Variants in SEMA6D observed in about 807,000 individuals in gnomAD.
SEMA6D encodes the protein semaphorin 6D.
A neutral mutation model predicts 106.6 loss-of-function variants in SEMA6D; 35 were observed. The observed-to-expected ratio is 0.33, with a 90% CI of 0.25 to 0.44. The LOEUF is 0.44. Ranked by LOEUF, SEMA6D falls within the 20% of genes least tolerant of loss-of-function variation. SEMA6D has a pLI of 1.00. For missense variants in SEMA6D, 1,185 were observed against 1,345.9 expected (o/e 0.88, Z 1.87); for synonymous variants, 499 against 487.7 (o/e 1.02, Z -0.31).
chr15:47,681,437 G>A (rs2078350839), intron 4 of SEMA6D, among the ~76,000 whole-genome samples: 1 of 152,176 alleles, frequency 6.6e-6, no homozygotes, highest in African/African-American at 2.4e-5. Context: ...GGTTTCCAGG[G>A]ACTGGGAGGA....
chr15:47,556,901 T>A (rs576415147), intron 3 of SEMA6D, among the ~76,000 whole-genome samples: 1 of 152,274 alleles, frequency 6.6e-6, no homozygotes, highest in African/African-American at 2.4e-5. Context: ...GTATCATGTG[T>A]CCAATTTCTC....
upstream of SEMA6D, among the ~76,000 whole-genome samples, chr15:47,715,877 G>A (rs2079101678): frequency 6.6e-6 from 1 of 152,178 alleles, no homozygotes; most frequent in Non-Finnish European, 1.5e-5. Context: ...CAAGCCAATG[G>A]CCACCCCCTT....
At chr15:47,613,732 C>T (rs960448225) in intron 4 of SEMA6D, among the ~76,000 whole-genome samples, 2 of 152,038 alleles carry the variant, frequency 1.3e-5, no homozygotes, top group Non-Finnish European at 2.9e-5. Context: ...CAGCTCACTG[C>T]AAGTTCCGCC....
intron 4 of SEMA6D, among the ~76,000 whole-genome samples, chr15:47,695,579 A>G (rs1383024913): frequency 6.6e-6 from 1 of 152,148 alleles, no homozygotes; most frequent in Non-Finnish European, 1.5e-5. Flanking sequence ...GGTCTTGTTA[A>G]ATGAAGTTCT....
chr15:47,193,665 AAAC>A (rs1894124725), intron 1 of SEMA6D, among the ~76,000 whole-genome samples: 1 of 152,106 alleles, frequency 6.6e-6, no homozygotes, highest in African/African-American at 2.4e-5. Flanking sequence ...ACAAAAACAA[AAAC>A]AAAACAAAAA....
intron 3 of SEMA6D, among the ~76,000 whole-genome samples, chr15:47,590,006 T>C (rs2076409176): frequency 1.3e-5 from 2 of 152,160 alleles, no homozygotes; most frequent in African/African-American, 4.8e-5. Context: ...CTCCAAAAGA[T>C]ATGTTGAAGT....
chr15:47,604,959 G>C (rs781267890), intron 4 of SEMA6D, among the ~76,000 whole-genome samples: 1 of 151,520 alleles, frequency 6.6e-6, no homozygotes, highest in Non-Finnish European at 1.5e-5. Flanking sequence ...GCCTGCCTCA[G>C]CCTCCCAAAG....
intron 1 of SEMA6D, among the ~76,000 whole-genome samples, chr15:47,332,946 T>A (rs1036732665): frequency 2.0e-5 from 3 of 152,076 alleles, no homozygotes; most frequent in Non-Finnish European, 4.4e-5. Flanking sequence ...CTAGTGCCCA[T>A]CTATGGAGCT....
intron 3 of SEMA6D, among the ~76,000 whole-genome samples, chr15:47,496,698 T>C (rs1293176181): frequency 1.3e-5 from 2 of 152,058 alleles, no homozygotes; most frequent in African/African-American, 4.8e-5. Context: ...CGGTTTGTTA[T>C]CTTTTCCCAT....
intron 1 of SEMA6D, among the ~76,000 whole-genome samples, chr15:47,213,831 G>A (rs1595750292): frequency 6.6e-6 from 1 of 152,014 alleles, no homozygotes; most frequent in South Asian, 2.1e-4. Flanking sequence ...GGTGTGTGGC[G>A]AGTAATTTGT....
chr15:47,722,117 C>T (rs1254878611), intron 1 of SEMA6D, among the ~76,000 whole-genome samples: 9 of 152,202 alleles, frequency 5.9e-5, no homozygotes, highest in African/African-American at 2.2e-4. Flanking sequence ...AAAGTCCTTG[C>T]CACCTTGCAA....
At chr15:47,570,012 G>A (rs113268332) in intron 3 of SEMA6D, among the ~76,000 whole-genome samples, 1 of 148,846 alleles carries the variant, frequency 6.7e-6, no homozygotes, top group African/African-American at 2.5e-5. Flanking sequence ...AGTGACCCGA[G>A]ATCGCACCAC....
chr15:47,637,762 G>C (rs928581536), intron 4 of SEMA6D, among the ~76,000 whole-genome samples: 1 of 152,074 alleles, frequency 6.6e-6, no homozygotes, highest in Non-Finnish European at 1.5e-5. Context: ...CTCTGCTAAG[G>C]GTCTCCCACT....
chr15:47,644,851 G>A (rs2077552389), intron 4 of SEMA6D, among the ~76,000 whole-genome samples: 1 of 152,172 alleles, frequency 6.6e-6, no homozygotes, highest in Non-Finnish European at 1.5e-5. Context: ...GAAGTGGTTT[G>A]TTCCTGTTCC....
chr15:47,399,185 TA>T (rs990702978), intron 1 of SEMA6D, among the ~76,000 whole-genome samples: 3 of 152,066 alleles, frequency 2.0e-5, no homozygotes, highest in Middle Eastern at 3.4e-3. Flanking sequence ...ATTTTGGAGA[TA>T]AAAAACAACA....
intron 1 of SEMA6D, among the ~76,000 whole-genome samples, chr15:47,226,946 C>G (rs578080703): frequency 2.1e-4 from 32 of 152,060 alleles, no homozygotes; most frequent in African/African-American, 7.7e-4. Flanking sequence ...GTTATTCATT[C>G]TGAATATTTA....
chr15:47,606,931 C>T (rs1950217636), intron 4 of SEMA6D, among the ~76,000 whole-genome samples: 2 of 152,144 alleles, frequency 1.3e-5, no homozygotes, highest in Non-Finnish European at 2.9e-5. Context: ...AACCACAGGA[C>T]CTGGGCTGCA....
At chr15:47,705,356 T>C (rs905773205) in intron 4 of SEMA6D, among the ~76,000 whole-genome samples, 5 of 152,134 alleles carry the variant, frequency 3.3e-5, no homozygotes, top group African/African-American at 1.2e-4. Flanking sequence ...TTACACGATG[T>C]TTTTACCAAC....
chr15:47,652,637 G>C lies in SEMA6D; in HGVS notation c.-55+51741G>C, dbSNP rs753255595. Among the ~76,000 whole-genome samples, 16 of 152,162 alleles carry C rather than the reference G, an allele frequency of 1.1e-4. 1 individual carries two copies. Among genetic ancestry groups the C allele is most frequent in the Non-Finnish European group, 2.1e-4 (14 of 68,028 alleles). The stretch of plus-strand genomic sequence containing the variant: ...ATTTAGTCCACTTCACGTATAGACT[G>C]CTTTCCCTTGGTGCTTGCCATTGCC... On this transcript the variant is annotated intron_variant, in intron 4 of 19. Transcript: ENST00000558014.
Sources: gnomAD v4.1 joint callset for allele counts (sites outside exome capture counted in the v4.1 genomes callset) on GRCh38, gnomAD v4.1.1 for gene constraint, MANE v1.5 for transcripts, NCBI Gene and HGNC (gene_info 2026-07-23, HGNC 2026-07-21) for gene names.